The following CHD6 variants were observed in gnomAD, a reference collection of about 807,000 sequenced individuals.
The protein encoded by CHD6 is ATP-dependent chromatin remodeler CHD6.
Under a neutral mutation model 276.9 loss-of-function variants are expected in CHD6, and 50 were observed. That is an observed-to-expected ratio of 0.18 (90% CI 0.14 to 0.23). CHD6 has a LOEUF of 0.23. Among genes scored for constraint, CHD6 ranks in the 10% least tolerant of loss-of-function variants. The pLI, the probability that CHD6 is intolerant of heterozygous loss-of-function variation, is 1.00. For synonymous variants in CHD6, 1,173 were observed against 1,229.3 expected (o/e 0.95, Z 0.96); for missense variants, 2,564 against 3,365.8 (o/e 0.76, Z 5.89).
Position 41,420,789 on chromosome 20 carries a change from C to A in CHD6, c.5846G>T (p.Gly1949Val), listed in dbSNP as rs1414609071. The change falls in exon 31 of 37, where the codon GGC becomes GTC. Residue 1949 changes from glycine (G) to valine (V), a missense_variant. This residue lies in a region of CHD6 where 1,024 missense variants were observed against 1,047.9 expected (regional missense o/e 0.98). Coordinates refer to ENST00000373233, the MANE Select transcript of CHD6 (RefSeq NM_032221.5). The part of the protein sequence containing the change: ...HCKHMERWMH[G>V]LENDEFEIEK... ...GATTTCAAATTCATCATTCTCGAGG[C>A]CATGCATCCACCTCTCCATGTGTTT... 1.9e-6 allele frequency: 3 copies of A among 1,614,206 alleles called. No individual in the cohort carries two copies. The Admixed American group carries it at 5.0e-5, about 27-fold the overall frequency.
At chr20:41,520,284 G>C (rs965147486) in intron 3 of CHD6, among the ~76,000 whole-genome samples, 18 of 152,180 alleles carry the variant, frequency 1.2e-4, no homozygotes, top group East Asian at 7.8e-4. Flanking sequence ...GGATCTAGAA[G>C]TAGAAATACC....
At chr20:41,577,616 C>T (rs2146222882) in intron 1 of CHD6, among the ~76,000 whole-genome samples, 1 of 152,260 alleles carries the variant, frequency 6.6e-6, no homozygotes, top group Non-Finnish European at 1.5e-5. Flanking sequence ...ACACACACTA[C>T]ACATATGTGT....
chr20:41,504,403 CTTTT>C lies in CHD6; in HGVS notation c.853-5050_853-5047del, dbSNP rs200549678. Among the ~76,000 whole-genome samples the C allele has an allele frequency of 6.3e-3, 697 of 109,946 alleles. 6 individuals are homozygous for C. Among genetic ancestry groups the C allele is most frequent in the Middle Eastern group, 0.031 (6 of 192 alleles). 72.1% of individuals were successfully genotyped at this position (109,946 alleles called of 152,430 possible). A position where few individuals can be genotyped will look rare whatever the true frequency, so the allele number is the denominator to read the frequency against. On this transcript the variant is annotated intron_variant, in intron 5 of 36. Transcript: ENST00000373233. ...TCTTGTCCATCTTTTCCTCTATTTT[CTTTT>C]TTTTTTTTTTTTTTTTTTTAGACAG...
chr20:41,561,577 C>A (rs1328490356), intron 1 of CHD6, among the ~76,000 whole-genome samples: 2 of 152,094 alleles, frequency 1.3e-5, no homozygotes, highest in Non-Finnish European at 2.9e-5. Context: ...TGGTGGACTC[C>A]TAGGTTTCTC....
chr20:41,404,091 G>A lies in CHD6; in HGVS notation c.*502C>T. The A allele has an allele frequency of 9.5e-7, 1 of 1,050,730 alleles. No individual in the cohort carries two copies. The highest frequency in any genetic ancestry group is 1.1e-6 in the Non-Finnish European group (1 of 870,068). 65.1% of individuals were successfully genotyped at this position (1,050,730 alleles called of 1,614,324 possible). A position where few individuals can be genotyped will look rare whatever the true frequency, so the allele number is the denominator to read the frequency against. On this transcript the variant is annotated 3_prime_UTR_variant, in exon 37 of 37. Transcript: ENST00000373233. ...TCTATACTACTCACTTAGTAATCATGATAAAATAGGGAAATATTTTAACTC... is the reference window on the plus strand; with the variant it reads ...TCTATACTACTCACTTAGTAATCATAATAAAATAGGGAAATATTTTAACTC...
chr20:41,407,089 G>A (rs1600781267), intron 36 of CHD6, among the ~76,000 whole-genome samples: 5 of 152,322 alleles, frequency 3.3e-5, no homozygotes, highest in Middle Eastern at 3.4e-3. Flanking sequence ...GCCGGAATGC[G>A]CAGCCTACGG....
intron 2 of CHD6, among the ~76,000 whole-genome samples, chr20:41,546,341 C>T (rs2045041955): frequency 6.6e-6 from 1 of 152,058 alleles, no homozygotes. Context: ...GGTCAGGAAG[C>T]AAGATTCTCC....
At chr20:41,409,597 A>G (rs941843155) in intron 36 of CHD6, among the ~76,000 whole-genome samples, 70 of 152,154 alleles carry the variant, frequency 4.6e-4, no homozygotes, top group African/African-American at 1.7e-3. Flanking sequence ...GCTGGGTGAA[A>G]AGAGACCTAA....
At chr20:41,557,433 T>A (rs2045252778) in intron 1 of CHD6, among the ~76,000 whole-genome samples, 1 of 151,788 alleles carries the variant, frequency 6.6e-6, no homozygotes, top group African/African-American at 2.4e-5. Flanking sequence ...TAAATTACTA[T>A]CTCTCTCTCC....
Position 41,445,399 on chromosome 20 carries a change from C to A in CHD6, c.3877+266G>T, listed in dbSNP as rs554658612. ...GCAGTCCCATATCCGACAGCATGGA[C>A]AGGCGAGGGAGGAAGATATACACCA... On this transcript the variant is annotated intron_variant, in intron 25 of 36. Transcript: ENST00000373233. 9.2e-5 allele frequency among the ~76,000 whole-genome samples: 14 copies of A among 152,298 alleles called. No individual in the cohort carries two copies. The South Asian group carries it at 1.9e-3, about 20-fold the overall frequency.
intron 2 of CHD6, among the ~76,000 whole-genome samples, chr20:41,545,536 C>T (rs2045023888): frequency 6.6e-6 from 1 of 151,940 alleles, no homozygotes; most frequent in African/African-American, 2.4e-5. Flanking sequence ...AGGATGAGGC[C>T]AAAAAGTCTT....
chr20:41,405,460 G>A lies in CHD6; in HGVS notation c.7281C>T (p.His2427=). The change falls in exon 37 of 37, where the codon CAC becomes CAT. Residue 2427 remains histidine (H), a synonymous_variant. Coordinates refer to ENST00000373233, the MANE Select transcript of CHD6 (RefSeq NM_032221.5). ...RGFLPENKFN[H]TLAEPILRDT... ...CTCGAAGAATAGGCTCAGCCAGAGT[G>A]TGATTGAACTTGTTTTCTGGAAGAA... 6.4e-7 allele frequency: 1 copy of A among 1,564,254 alleles called. No individual in the cohort carries two copies.
At position 41,404,072 on chromosome 20, in the gene CHD6, C is replaced by G. The variant is rs2046601986; in HGVS notation, c.*521G>C. On this transcript the variant is annotated 3_prime_UTR_variant, in exon 37 of 37. Transcript: ENST00000373233. ...CATTAGTTATATACTTCTGTCTATACTACTCACTTAGTAATCATGATAAAA... is the reference window on the plus strand; with the variant it reads ...CATTAGTTATATACTTCTGTCTATAGTACTCACTTAGTAATCATGATAAAA... The G allele has an allele frequency of 9.5e-7, 1 of 1,047,148 alleles. No individual in the cohort carries two copies. Among genetic ancestry groups the G allele is most frequent in the Admixed American group, 5.5e-5 (1 of 18,250 alleles). The allele number at this position is 1,047,148 out of a possible 1,614,324, so 64.9% of individuals were successfully genotyped here.
intron 17 of CHD6, among the ~76,000 whole-genome samples, chr20:41,460,016 C>T (rs1004847273): frequency 6.6e-6 from 1 of 152,180 alleles, no homozygotes; most frequent in East Asian, 1.9e-4. Flanking sequence ...CTGAAGTGGT[C>T]TCAGAAGGAG....
intron 1 of CHD6, among the ~76,000 whole-genome samples, chr20:41,590,206 T>A (rs556313510): frequency 2.0e-5 from 3 of 152,154 alleles, no homozygotes; most frequent in Non-Finnish European, 4.4e-5. Context: ...CTTATACAAA[T>A]ACGAATTCAA....
chr20:41,435,125 T>C (rs1337594341), intron 27 of CHD6, among the ~76,000 whole-genome samples: 2 of 151,824 alleles, frequency 1.3e-5, no homozygotes, highest in Non-Finnish European at 2.9e-5. Context: ...AAATAATTCA[T>C]GGAAAGTCTC....
At chr20:41,526,283 G>A (rs551314489) in intron 3 of CHD6, among the ~76,000 whole-genome samples, 90 of 152,246 alleles carry the variant, frequency 5.9e-4, no homozygotes, top group African/African-American at 1.9e-3. Flanking sequence ...TCTCTACTGA[G>A]GACTCATACA....
chr20:41,460,891 G>C (rs2048526058), intron 17 of CHD6, among the ~76,000 whole-genome samples: 1 of 152,184 alleles, frequency 6.6e-6, no homozygotes, highest in African/African-American at 2.4e-5. Flanking sequence ...TGTGTGCCTG[G>C]AGAAGCCACA....
intron 5 of CHD6, among the ~76,000 whole-genome samples, chr20:41,510,456 G>A (rs1317945225): frequency 6.6e-6 from 1 of 152,210 alleles, no homozygotes; most frequent in African/African-American, 2.4e-5. Context: ...TCGGAGGCCA[G>A]CCCCACATGG....
Sources: gnomAD v4.1 joint callset for allele counts (sites outside exome capture counted in the v4.1 genomes callset) on GRCh38, gnomAD v4.1.1 for gene constraint, gnomAD v4.1.1 regional missense constraint, MANE v1.5 for transcripts, NCBI Gene and HGNC (gene_info 2026-07-23, HGNC 2026-07-21) for gene names.